Variants in CCDC141 observed in about 807,000 individuals in gnomAD.
The protein encoded by CCDC141 is coiled-coil domain-containing protein 141.
CCDC141 carries 168 observed loss-of-function variants against 181.0 expected under a neutral mutation model. That is an observed-to-expected ratio of 0.93 (90% CI 0.82 to 1.05). The LOEUF (loss-of-function observed/expected upper bound fraction) is 1.05, where lower values mean the gene tolerates loss of function less well. Among genes scored for constraint, CCDC141 ranks in the 50% least tolerant of loss-of-function variants. The pLI is 0.00. For missense variants in CCDC141, 1,902 were observed against 1,788.5 expected (o/e 1.06, Z -1.14); for synonymous variants, 666 against 642.3 (o/e 1.04, Z -0.56).
chr2:178,840,768 T>C (rs1351440666), intron 22 of CCDC141, among the ~76,000 whole-genome samples: 2 of 152,254 alleles, frequency 1.3e-5, no homozygotes, highest in African/African-American at 4.8e-5. Flanking sequence ...GTATCTTACT[T>C]TCAGCTGGTG....
At chr2:178,918,456 C>G (rs1188645435) in intron 7 of CCDC141, among the ~76,000 whole-genome samples, 1 of 151,996 alleles carries the variant, frequency 6.6e-6, no homozygotes, top group African/African-American at 2.4e-5. Context: ...CCAAACAAAA[C>G]AAAAAGACAA....
chr2:178,926,165 A>C (rs1401769143), intron 6 of CCDC141, among the ~76,000 whole-genome samples: 2 of 152,202 alleles, frequency 1.3e-5, no homozygotes, highest in African/African-American at 2.4e-5. Context: ...AGGATTTAAA[A>C]AAAAATCTGA....
At chr2:179,003,823 T>C (rs1468904091) in intron 2 of CCDC141, among the ~76,000 whole-genome samples, 1 of 152,200 alleles carries the variant, frequency 6.6e-6, no homozygotes, top group Non-Finnish European at 1.5e-5. Flanking sequence ...AATGATTTAC[T>C]GTCAAGAAAC....
At chr2:178,937,423 G>GTA (rs1689335609) in intron 6 of CCDC141, among the ~76,000 whole-genome samples, 1 of 152,138 alleles carries the variant, frequency 6.6e-6, no homozygotes, top group African/African-American at 2.4e-5. Flanking sequence ...AACCAACCTT[G>GTA]TATCCCAGGG....
chr2:178,916,939 CTTTTTTTTTTT>C (rs1489816961), intron 7 of CCDC141, among the ~76,000 whole-genome samples: 4 of 145,250 alleles, frequency 2.8e-5, no homozygotes, highest in African/African-American at 7.7e-5. Flanking sequence ...TCTTCTTCTT[CTTTTTTTTTTT>C]AAAAAAAAGG....
At chr2:178,969,221 A>G (rs1183072852) in intron 4 of CCDC141, among the ~76,000 whole-genome samples, 1 of 152,130 alleles carries the variant, frequency 6.6e-6, no homozygotes, top group Non-Finnish European at 1.5e-5. Flanking sequence ...CAAACAATAG[A>G]AAAAGGGGGA....
Position 179,018,943 on chromosome 2 carries a change from T to A in CCDC141, c.225+28341A>T, listed in dbSNP as rs561978206. 1.1e-3 allele frequency among the ~76,000 whole-genome samples: 166 copies of A among 152,308 alleles called. 2 individuals are homozygous for A. The Middle Eastern group carries it at 0.017, about 16-fold the overall frequency. On this transcript the variant is annotated intron_variant, in intron 2 of 23. Transcript: ENST00000443758. ...GTCAATGAAATATGTTTCAGATAAT[T>A]CTTTAAAAGCAAATATTAAAAAACA...
At chr2:178,983,251 G>T (rs1270916858) in intron 2 of CCDC141, among the ~76,000 whole-genome samples, 11 of 151,948 alleles carry the variant, frequency 7.2e-5, no homozygotes, top group Non-Finnish European at 1.5e-4. Context: ...TGCAGCTGAG[G>T]GTCCTGTCTG....
At chr2:178,888,813 G>A (rs1252232998) in intron 8 of CCDC141, 145 bp from the exon 9 acceptor site, 4 of 804,044 alleles carry the variant, frequency 5.0e-6, no homozygotes, top group Non-Finnish European at 7.6e-6. Flanking sequence ...TATCATCTCG[G>A]CATAGCAGGA....
Position 179,050,032 on chromosome 2 carries a change from C to G in CCDC141, c.-91G>C. On this transcript the variant is annotated 5_prime_UTR_variant, in exon 1 of 24. An upstream start codon of the reference 5' UTR is lost. Coordinates refer to ENST00000443758, the MANE Select transcript of CCDC141 (RefSeq NM_173648.4). ...TCAGAAGGCCAGGGTTACTTGGATT[C>G]ATTCAGGGAAAGAGCTCAGCTCACA... 6.5e-7 allele frequency: 1 copy of G among 1,532,974 alleles called. No individual in the cohort carries two copies. Among genetic ancestry groups the G allele is most frequent in the South Asian group, 1.2e-5 (1 of 81,884 alleles). 95.0% of individuals were successfully genotyped at this position (1,532,974 alleles called of 1,614,324 possible).
intron 2 of CCDC141, among the ~76,000 whole-genome samples, chr2:178,997,939 G>A (rs1033172773): frequency 1.7e-4 from 26 of 152,076 alleles, no homozygotes; most frequent in Non-Finnish European, 3.4e-4. Flanking sequence ...GCTGTAGATG[G>A]ATTTCTTGTC....
intron 2 of CCDC141, among the ~76,000 whole-genome samples, chr2:178,981,657 T>TATATATATATATATATATATATAC (rs1553495348): frequency 2.7e-4 from 36 of 132,034 alleles, no homozygotes; most frequent in Middle Eastern, 3.8e-3. Context: ...TATATATATA[T>TATATATATATATATATATATATAC]ACATACATAT....
At chr2:178,914,604 G>T (rs1327880200) in intron 7 of CCDC141, among the ~76,000 whole-genome samples, 1 of 152,168 alleles carries the variant, frequency 6.6e-6, no homozygotes, top group Non-Finnish European at 1.5e-5. Context: ...CTGGACAAAG[G>T]CAGTGGGGGA....
In CCDC141 at chr2:178,887,395, T is replaced by C. The variant is rs539988794; in HGVS notation, c.1408-524A>G. Reference sequence around the variant, plus strand: ...AATTGATGAGCTTGGAGGACTATGATTTGATCCTCAGTGGACATGAGTCAT... The same window carrying C: ...AATTGATGAGCTTGGAGGACTATGACTTGATCCTCAGTGGACATGAGTCAT... On this transcript the variant is annotated intron_variant, in intron 9 of 23. Coordinates refer to ENST00000443758, the MANE Select transcript of CCDC141 (RefSeq NM_173648.4). Among the ~76,000 whole-genome samples, 4 of 152,318 alleles carry C rather than the reference T, an allele frequency of 2.6e-5. No individual in the cohort carries two copies. The South Asian group carries it at 8.3e-4, about 32-fold the overall frequency.
chr2:178,856,463 A>C, intron 17 of CCDC141, 66 bp from the exon 18 acceptor site: 1 of 1,249,688 alleles, frequency 8.0e-7, no homozygotes, highest in Non-Finnish European at 1.1e-6. Context: ...CTTGCAATAA[A>C]TCAAAGCATC....
chr2:178,989,915 G>C (rs188583841), intron 2 of CCDC141, among the ~76,000 whole-genome samples: 161 of 149,858 alleles, frequency 1.1e-3, no homozygotes, highest in African/African-American at 3.8e-3. Flanking sequence ...TGAGGCAGGC[G>C]GATCACCTGA....
Position 178,872,128 on chromosome 2 carries a change from C to G in CCDC141, c.2079+5G>C. ...CTTTTCACATCCCATTGTTCCTTGC[C>G]TCACCTTTTTAAGTTGCTCTTTGAA... On this transcript the variant is annotated splice_donor_5th_base_variant and intron_variant, in intron 13 of 23. Transcript: ENST00000443758. The G allele has an allele frequency of 1.2e-6, 2 of 1,612,948 alleles. No homozygotes were observed. Among genetic ancestry groups the G allele is most frequent in the Non-Finnish European group, 1.7e-6 (2 of 1,179,560 alleles).
chr2:178,823,546 T>A, the CCDC141 span, among the ~76,000 whole-genome samples: 5 of 152,204 alleles, frequency 3.3e-5, no homozygotes, highest in African/African-American at 1.2e-4. Flanking sequence ...CTAGATTCAG[T>A]ACTTTTATGG....
the CCDC141 span, among the ~76,000 whole-genome samples, chr2:178,817,275 A>C: frequency 6.6e-6 from 1 of 151,908 alleles, no homozygotes; most frequent in Non-Finnish European, 1.5e-5. Flanking sequence ...AATGTGCCAC[A>C]TGTTTATTTC....
Sources: allele counts gnomAD v4.1 joint callset (sites outside exome capture counted in the v4.1 genomes callset), GRCh38; gene constraint gnomAD v4.1.1; transcripts MANE v1.5; gene names NCBI Gene and HGNC (gene_info 2026-07-23, HGNC 2026-07-21).